Variants in FRAS1 observed in about 807,000 individuals in gnomAD.
The protein encoded by FRAS1 is Fraser extracellular matrix complex subunit 1.
In FRAS1, 290 loss-of-function variants were observed where a neutral mutation model predicts 435.2. The ratio of observed to expected loss-of-function variants is 0.67; its 90% CI spans 0.61 to 0.73. FRAS1 has a LOEUF of 0.73. Ranked by LOEUF, FRAS1 falls within the 30% of genes least tolerant of loss-of-function variation. The probability of loss-of-function intolerance (pLI) is 0.00; values close to 1 mark genes in which losing one functional copy is unlikely to be tolerated. For missense variants in FRAS1, 4,860 were observed against 5,001.5 expected, an observed-to-expected ratio of 0.97 and a Z score of 0.85; for synonymous variants, 1,800 against 1,851.0, an observed-to-expected ratio of 0.97 and a Z score of 0.71.
chr4:78,140,124 A>C (rs1720096652), intron 2 of FRAS1, among the ~76,000 whole-genome samples: 1 of 152,194 alleles, frequency 6.6e-6, no homozygotes, highest in Admixed American at 6.5e-5. Flanking sequence ...TAATCTGCAC[A>C]CGTACTTTCT....
At chr4:78,196,914 C>A (rs966207130) in intron 2 of FRAS1, among the ~76,000 whole-genome samples, 1 of 151,952 alleles carries the variant, frequency 6.6e-6, no homozygotes, top group African/African-American at 2.4e-5. Flanking sequence ...ACTTTTGAAA[C>A]TGAAGTTGAG....
At chr4:78,519,063 C>T (rs1034283298) in intron 66 of FRAS1, among the ~76,000 whole-genome samples, 1 of 151,704 alleles carries the variant, frequency 6.6e-6, no homozygotes, top group Non-Finnish European at 1.5e-5. Context: ...CTCATTCTCC[C>T]ACTTCAAAAG....
intron 2 of FRAS1, among the ~76,000 whole-genome samples, chr4:78,125,980 C>A (rs548725271): frequency 3.9e-5 from 6 of 152,178 alleles, no homozygotes; most frequent in East Asian, 1.9e-4. Context: ...TATGCCCTGC[C>A]CCCAGAGGTG....
intron 59 of FRAS1, 44 bp downstream of exon 59, chr4:78,489,124 T>C: frequency 6.5e-7 from 1 of 1,545,186 alleles, no homozygotes; most frequent in Non-Finnish European, 8.8e-7. Flanking sequence ...TCTCTTATTG[T>C]CTTTATTTGT....
chr4:78,427,711 G>C (rs556054821), intron 35 of FRAS1, among the ~76,000 whole-genome samples: 1 of 152,298 alleles, frequency 6.6e-6, no homozygotes, highest in South Asian at 2.1e-4. Context: ...TTCTCACATG[G>C]ATAATGTCGT....
chr4:78,196,991 T>C (rs1722841195), intron 2 of FRAS1, among the ~76,000 whole-genome samples: 1 of 152,256 alleles, frequency 6.6e-6, no homozygotes, highest in Non-Finnish European at 1.5e-5. Flanking sequence ...GAGGGGAGAT[T>C]GGGACAAAGT....
At chr4:78,081,976 C>T (rs1740917556) in intron 2 of FRAS1, among the ~76,000 whole-genome samples, 1 of 151,992 alleles carries the variant, frequency 6.6e-6, no homozygotes, top group South Asian at 2.1e-4. Context: ...TTCTTTTTTT[C>T]CCGCATCTTA....
In FRAS1 at chr4:78,540,968, G is replaced by A; in HGVS notation, c.11883G>A (p.Arg3961=). 6.2e-7 allele frequency: 1 copy of A among 1,613,700 alleles called. No homozygotes were observed. The highest frequency in any genetic ancestry group is 8.5e-7 in the Non-Finnish European group (1 of 1,179,760). The change falls in exon 74 of 74, where the codon CGG becomes CGA. Residue 3961 remains arginine (R), a synonymous_variant. Transcript: ENST00000512123. ...AAGTGCCCAAGAGGCACCCGGACCGGGTGGAGAAGAACGTGAATAGACACT... is the reference window on the plus strand; with the variant it reads ...AAGTGCCCAAGAGGCACCCGGACCGAGTGGAGAAGAACGTGAATAGACACT... The part of the protein sequence containing the change: ...KVEVPKRHPD[R]VEKNVNRHYC...
At chr4:78,169,114 G>T (rs1368554296) in intron 2 of FRAS1, among the ~76,000 whole-genome samples, 1 of 152,072 alleles carries the variant, frequency 6.6e-6, no homozygotes, top group Non-Finnish European at 1.5e-5. Flanking sequence ...CTGCCCTCTT[G>T]TTCCTTGAGT....
chr4:78,075,702 C>T (rs1578107311), intron 2 of FRAS1, among the ~76,000 whole-genome samples: 1 of 152,104 alleles, frequency 6.6e-6, no homozygotes, highest in Non-Finnish European at 1.5e-5. Context: ...AAATGAGTAA[C>T]ATGTGAAAGT....
intron 15 of FRAS1, among the ~76,000 whole-genome samples, chr4:78,309,275 A>G (rs1578243699): frequency 1.3e-5 from 2 of 152,222 alleles, no homozygotes; most frequent in Admixed American, 6.5e-5. Context: ...AACTTCTAGA[A>G]CTATAAGATG....
intron 30 of FRAS1, among the ~76,000 whole-genome samples, chr4:78,406,230 A>G (rs767059150): frequency 2.0e-5 from 3 of 152,262 alleles, no homozygotes; most frequent in Non-Finnish European, 4.4e-5. Flanking sequence ...TAACGTTATT[A>G]AACTCTGAAC....
intron 2 of FRAS1, among the ~76,000 whole-genome samples, chr4:78,171,253 C>T (rs973246766): frequency 1.3e-5 from 2 of 152,000 alleles, no homozygotes; most frequent in Non-Finnish European, 2.9e-5. Context: ...TCGAGCTCAC[C>T]CTCCCTGTCC....
rs113404801 is a variant in FRAS1 at position 78,363,468 on chromosome 4, C to T, written c.2423-45C>T. ...TTCTGTGCAGTGATGAGACTTTGTG[C>T]TCATGAGCACCCGTGCCTTCTCTGT... On this transcript the variant is annotated intron_variant, in intron 20 of 73. Transcript: ENST00000512123. The T allele has an allele frequency of 2.8e-4, 439 of 1,563,364 alleles. 1 individual carries two copies. Among genetic ancestry groups the T allele is most frequent in the Middle Eastern group, 2.2e-3 (11 of 5,094 alleles).
Position 78,181,260 on chromosome 4 carries a change from C to T in FRAS1, c.109-56250C>T, listed in dbSNP as rs1428290743. 3 of 1,608,338 alleles carry T rather than the reference C, an allele frequency of 1.9e-6. No individual in the cohort carries two copies. In the East Asian group the frequency reaches 6.7e-5, roughly 36 times the overall value. On this transcript the variant is annotated intron_variant, in intron 2 of 73. Transcript: ENST00000512123. ...TTTGGACCCTCCTCTTTTACCTCTT[C>T]AACATCATTCTCCTTATTTTCAGTG...
chr4:78,094,331 C>T lies in FRAS1; in HGVS notation c.108+28315C>T, dbSNP rs367575857. Among the ~76,000 whole-genome samples, 4 of 152,066 alleles carry T rather than the reference C, an allele frequency of 2.6e-5. No homozygotes were observed. The East Asian group carries it at 5.8e-4, about 22-fold the overall frequency. On this transcript the variant is annotated intron_variant, in intron 2 of 73. Coordinates refer to ENST00000512123, the MANE Select transcript of FRAS1 (RefSeq NM_025074.7). Reference sequence around the variant, plus strand: ...TAAATATTTTGATTGTTTGAAGCAGCATAGCTTTCCCCTGAGGCAAACTGA... The same window carrying T: ...TAAATATTTTGATTGTTTGAAGCAGTATAGCTTTCCCCTGAGGCAAACTGA...
At chr4:78,446,619 C>T in intron 42 of FRAS1, 108 bp from the exon 43 acceptor site, 4 of 1,440,538 alleles carry the variant, frequency 2.8e-6, no homozygotes, top group Middle Eastern at 2.3e-4. Flanking sequence ...ACATTAAATG[C>T]TATTTTGAGG....
chr4:78,118,206 A>G (rs1282392103), intron 2 of FRAS1, among the ~76,000 whole-genome samples: 2 of 152,188 alleles, frequency 1.3e-5, no homozygotes, highest in East Asian at 1.9e-4. Context: ...GTGTCAGAGG[A>G]GTACCCGGCC....
intron 2 of FRAS1, among the ~76,000 whole-genome samples, chr4:78,220,890 A>C (rs114813289): frequency 7.9e-4 from 121 of 152,298 alleles, no homozygotes; most frequent in Non-Finnish European, 3.4e-4. Context: ...ATTAAAAAAT[A>C]ATACAGGCTG....
Sources: allele counts gnomAD v4.1 joint callset (sites outside exome capture counted in the v4.1 genomes callset), GRCh38; gene constraint gnomAD v4.1.1; transcripts MANE v1.5; gene names NCBI Gene and HGNC (gene_info 2026-07-23, HGNC 2026-07-21).